Variants in POLRMT observed in about 807,000 individuals in gnomAD.
POLRMT encodes DNA-directed RNA polymerase, mitochondrial.
A neutral mutation model predicts 132.2 loss-of-function variants in POLRMT; 114 were observed. The observed-to-expected ratio is 0.86, with a 90% CI of 0.74 to 1.01. POLRMT has a LOEUF of 1.01. Ranked by LOEUF, POLRMT falls within the 50% of genes least tolerant of loss-of-function variation. The pLI, the probability that POLRMT is intolerant of heterozygous loss-of-function variation, is 0.00. For synonymous variants in POLRMT, 1,020 were observed against 773.4 expected (o/e 1.32, Z -5.29); for missense variants, 2,003 against 1,729.1 (o/e 1.16, Z -2.81).
rs775495725 is a variant in POLRMT at position 622,379 on chromosome 19, G to A, written c.1627-6C>T. 12 of 1,543,298 alleles carry A rather than the reference G, an allele frequency of 7.8e-6. No homozygotes were observed. Among genetic ancestry groups the A allele is most frequent in the South Asian group, 1.2e-5 (1 of 84,234 alleles). On this transcript the variant is annotated splice_polypyrimidine_tract_variant and splice_region_variant and intron_variant, in intron 8 of 20. Coordinates refer to ENST00000588649, the MANE Select transcript of POLRMT (RefSeq NM_005035.4). ...GGCAGGCAGGGCTCGGGCACCTGTA[G>A]GACAGGGCGGTCAGGGCGCTGGGCA...
rs769152132 is a variant in POLRMT at position 630,082 on chromosome 19, A to G, written c.280T>C (p.Cys94Arg). The change falls in exon 3 of 21, where the codon TGT becomes CGT. Residue 94 changes from cysteine (C) to arginine (R), a missense_variant. By Grantham distance (180) the Cys-to-Arg change is radical. Coordinates refer to ENST00000588649, the MANE Select transcript of POLRMT (RefSeq NM_005035.4). The stretch of plus-strand genomic sequence containing the variant: ...TGGAGGCTACCATCTCCACTGCCAC[A>G]TTCTGGGAGCCGCGCCACATCCACC... The part of the protein sequence containing the change: ...NRVDVARLPE[C>R]GSGDGSLQPP... The G allele has an allele frequency of 6.2e-6, 10 of 1,613,600 alleles. No individual in the cohort carries two copies. The African/African-American group carries it at 1.2e-4, about 19-fold the overall frequency.
Position 617,282 on chromosome 19 carries a change from A to G in POLRMT, c.3685T>C (p.Phe1229Leu), listed in dbSNP as rs748241162. 2 of 1,612,784 alleles carry G rather than the reference A, an allele frequency of 1.2e-6. No homozygotes were observed. The highest frequency in any genetic ancestry group is 1.1e-5 in the South Asian group (1 of 91,072). Residue 1229 changes from phenylalanine (F) to leucine (L), a missense_variant, in exon 21 of 21, where the codon TTC becomes CTC. By Grantham distance (22) the Phe-to-Leu change is conservative. Transcript: ENST00000588649. ...ACAAGGCTCACGGGGTGTCAGCTGA[A>G]GAAGTAGGTGGAACGCTTCACCTGC... ...LEQVKRSTYF[F>L]S
intron 17 of POLRMT, 37 bp from the exon 18 acceptor site, chr19:617,886 C>A: frequency 1.9e-6 from 3 of 1,591,006 alleles, no homozygotes; most frequent in Non-Finnish European, 1.7e-6. Context: ...GGGAGGGGAG[C>A]TCACAGGGCC....
In POLRMT at chr19:619,566, G is replaced by A. The variant is rs1984331577; in HGVS notation, c.3066+20C>T. The A allele has an allele frequency of 6.2e-7, 1 of 1,611,280 alleles. No individual in the cohort carries two copies. Among genetic ancestry groups the A allele is most frequent in the South Asian group, 1.1e-5 (1 of 91,000 alleles). ...TGGCAGTGAAACCAACGTGTTCGCA[G>A]CGCGACATGCCTGGCGCACCTGGGG... On this transcript the variant is annotated intron_variant, in intron 13 of 20. Transcript: ENST00000588649.
chr19:628,017 T>G (rs1443289629), intron 3 of POLRMT, among the ~76,000 whole-genome samples: 2 of 151,520 alleles, frequency 1.3e-5, no homozygotes, highest in Admixed American at 6.6e-5. Context: ...TTAAAACAAT[T>G]ATCCGGGGGT....
At chr19:621,021 G>T in intron 10 of POLRMT, 37 bp downstream of exon 10, 1 of 1,448,472 alleles carries the variant, frequency 6.9e-7, no homozygotes, top group Non-Finnish European at 9.0e-7. Context: ...GCGCGGGGGT[G>T]CCGGGAGGGC....
At chr19:624,670 A>T (rs1040542140) in intron 5 of POLRMT, 49 bp downstream of exon 5, 4 of 1,572,714 alleles carry the variant, frequency 2.5e-6, no homozygotes, top group Non-Finnish European at 1.7e-6. Flanking sequence ...AGGAACCCCC[A>T]AAGGGCAGCT....
In POLRMT at chr19:633,537, C is replaced by T. The variant is rs542450320; in HGVS notation, c.-25G>A. On this transcript the variant is annotated 5_prime_UTR_variant, in exon 1 of 21. Coordinates refer to ENST00000588649, the MANE Select transcript of POLRMT (RefSeq NM_005035.4). ...TTACGCACGCCGCTCCAGGCCACCC[C>T]ACCGGCCCGCGCCTGCGCATGCGCC... 73 of 1,422,556 alleles carry T rather than the reference C, an allele frequency of 5.1e-5. No homozygotes were observed. In the African/African-American group the frequency reaches 1.0e-3, roughly 19 times the overall value. The allele number at this position is 1,422,556 out of a possible 1,614,324, so 88.1% of individuals were successfully genotyped here. A position where few individuals can be genotyped will look rare whatever the true frequency, so the allele number is the denominator to read the frequency against.
intron 3 of POLRMT, among the ~76,000 whole-genome samples, chr19:627,147 CATTT>C (rs1293803863): frequency 4.6e-5 from 6 of 131,252 alleles, no homozygotes; most frequent in Non-Finnish European, 6.4e-5. Context: ...AGTTTTGGGG[CATTT>C]TTTTTTTTTT....
At chr19:623,313 C>G (rs1218663049) in intron 6 of POLRMT, 141 bp downstream of exon 6, 2 of 1,399,188 alleles carry the variant, frequency 1.4e-6, no homozygotes, top group East Asian at 2.5e-5. Context: ...ACCGCATACA[C>G]GGAGCTCAGC....
rs148027024 is a variant in POLRMT, at chr19:618,263, C to T, written c.3422+225G>A. ...AGAAATGCCCAGCAGGAAGGGGCAG[C>T]GCCCATGCTCGGCTCTCCCTGTCGG... is the stretch of plus-strand genomic sequence containing the variant. On this transcript the variant is annotated intron_variant, in intron 17 of 20. Coordinates refer to ENST00000588649, the MANE Select transcript of POLRMT (RefSeq NM_005035.4). 7.1e-4 allele frequency: 400 copies of T among 566,410 alleles called. 3 individuals are homozygous for T. The highest frequency in any genetic ancestry group is 6.6e-3 in the African/African-American group (351 of 53,484). 35.1% of individuals were successfully genotyped at this position (566,410 alleles called of 1,614,324 possible).
chr19:623,800 C>T (rs1246472840), intron 5 of POLRMT, among the ~76,000 whole-genome samples, 197 bp from the exon 6 acceptor site: 5 of 152,162 alleles, frequency 3.3e-5, no homozygotes, highest in African/African-American at 9.7e-5. Context: ...CTCCTGGCCT[C>T]GACCCCTCTA....
chr19:619,394 C>T (rs1984314116), intron 13 of POLRMT, 98 bp from the exon 14 acceptor site: 2 of 1,444,744 alleles, frequency 1.4e-6, no homozygotes, highest in African/African-American at 1.4e-5. Context: ...AGGCCTAGGG[C>T]CTAGCAGGGG....
chr19:632,121 T>C (rs1476159889), intron 2 of POLRMT, among the ~76,000 whole-genome samples: 2 of 148,692 alleles, frequency 1.3e-5, no homozygotes, highest in Admixed American at 6.7e-5. Context: ...CCAAAAGTGC[T>C]GGGAGTACAG....
At chr19:625,008 C>T (rs1406436190) in intron 4 of POLRMT, 103 bp from the exon 5 acceptor site, 13 of 1,519,782 alleles carry the variant, frequency 8.6e-6, no homozygotes, top group East Asian at 4.7e-5. Flanking sequence ...CTGCAGGTCT[C>T]GGTGTGGCTG....
chr19:618,777 G>T lies in POLRMT; in HGVS notation c.3268-17C>A. 1 of 1,585,528 alleles carries T rather than the reference G, an allele frequency of 6.3e-7. No homozygotes were observed. Among genetic ancestry groups the T allele is most frequent in the East Asian group, 2.3e-5 (1 of 43,172 alleles). On this transcript the variant is annotated splice_polypyrimidine_tract_variant and intron_variant, in intron 15 of 20. Coordinates refer to ENST00000588649, the MANE Select transcript of POLRMT (RefSeq NM_005035.4). ...TCCTATTTGCTAAAAAGGGGAAGGGGCCGGTGAGTCCCACCCGAGGCCCAG... is the reference window on the plus strand; with the variant it reads ...TCCTATTTGCTAAAAAGGGGAAGGGTCCGGTGAGTCCCACCCGAGGCCCAG...
At chr19:633,038 C>G (rs1002158371) in intron 1 of POLRMT, 100 bp from the exon 2 acceptor site, 1 of 826,306 alleles carries the variant, frequency 1.2e-6, no homozygotes, top group African/African-American at 1.8e-5. Flanking sequence ...GAGCCCTAAA[C>G]GCAGCGGAAA....
intron 17 of POLRMT, chr19:618,275 GC>G: frequency 1.8e-6 from 1 of 568,940 alleles, no homozygotes; most frequent in Non-Finnish European, 3.1e-6. Context: ...CCCATGCTCG[GC>G]TCTCCCTGTC....
At chr19:617,905 A>C (rs1484058186) in intron 17 of POLRMT, 56 bp from the exon 18 acceptor site, 35 of 1,527,522 alleles carry the variant, frequency 2.3e-5, no homozygotes, top group African/African-American at 4.1e-5. Flanking sequence ...CCACCCAGTG[A>C]CCAGCATCCT....
Sources: gnomAD v4.1 joint callset for allele counts (sites outside exome capture counted in the v4.1 genomes callset) on GRCh38, gnomAD v4.1.1 for gene constraint, MANE v1.5 for transcripts, NCBI Gene and HGNC (gene_info 2026-07-23, HGNC 2026-07-21) for gene names.